CORO1B: variants seen among roughly 807,000 people sequenced by gnomAD.
The protein encoded by CORO1B is coronin 1B, also known as coronin-1B.
A neutral mutation model predicts 51.1 loss-of-function variants in CORO1B; 30 were observed. The ratio of observed to expected loss-of-function variants is 0.59; its 90% CI spans 0.44 to 0.80. CORO1B has a LOEUF of 0.80. Among genes scored for constraint, CORO1B ranks in the 30% least tolerant of loss-of-function variants. The probability of loss-of-function intolerance (pLI) is 0.00; values close to 1 mark genes in which losing one functional copy is unlikely to be tolerated. For synonymous variants in CORO1B, 310 were observed against 289.7 expected (o/e 1.07, Z -0.71); for missense variants, 648 against 700.4 (o/e 0.93, Z 0.84).
Position 67,436,690 on chromosome 11 carries a change from C to G in CORO1B, c.*1686G>C. On this transcript the variant is annotated 3_prime_UTR_variant, in exon 11 of 11. Transcript: ENST00000341356. ...GCATGGCCTGCTCACCGTGCTCAAA[C>G]TTCACCCCAGTGAGGCTGAACCTGA... 1 of 277,774 alleles carries G rather than the reference C, an allele frequency of 3.6e-6. No homozygotes were observed. The highest frequency in any genetic ancestry group is 6.8e-6 in the Non-Finnish European group (1 of 147,760). The allele number at this position is 277,774 out of a possible 1,614,324, so 17.2% of individuals were successfully genotyped here. A position where few individuals can be genotyped will look rare whatever the true frequency, so the allele number is the denominator to read the frequency against.
Position 67,435,713 on chromosome 11 carries a change from T to G in CORO1B, c.*2663A>C. 6.7e-7 allele frequency: 1 copy of G among 1,502,722 alleles called. No individual in the cohort carries two copies. Among genetic ancestry groups the G allele is most frequent in the Non-Finnish European group, 8.8e-7 (1 of 1,130,554 alleles). The allele number at this position is 1,502,722 out of a possible 1,614,324, so 93.1% of individuals were successfully genotyped here. ...GGGGAGTGAGCGGCTGTGACAGGGA[T>G]GGGACACCAAGACCGGCCTCTACAG... On this transcript the variant is annotated 3_prime_UTR_variant, in exon 11 of 11. Coordinates refer to ENST00000341356, the MANE Select transcript of CORO1B (RefSeq NM_020441.3).
In CORO1B at chr11:67,438,781, A is replaced by ACACGTTGCGCCGGCTGATCTTCAGGT; in HGVS notation, c.1208_1233dup (p.Leu412ThrfsTer2). 6.3e-7 allele frequency: 1 copy of ACACGTTGCGCCGGCTGATCTTCAGGT among 1,594,382 alleles called. No homozygotes were observed. The highest frequency in any genetic ancestry group is 8.5e-7 in the Non-Finnish European group (1 of 1,173,038). ...GCCATGGCGGGCCGGCTGTCAGACA[A>ACACGTTGCGCCGGCTGATCTTCAGGT]CACGTTGCGCCGGCTGATCTTCAGG... On this transcript the variant is annotated stop_gained and frameshift_variant, in exon 10 of 11. Transcript: ENST00000341356. LOFTEE classifies it high-confidence loss of function.
rs764414306 is a variant in CORO1B, at chr11:67,442,130, G to A, written c.202-42C>T. The A allele has an allele frequency of 1.8e-5, 28 of 1,595,658 alleles. No homozygotes were observed. In the East Asian group the frequency reaches 2.7e-4, roughly 15 times the overall value. On this transcript the variant is annotated intron_variant, in intron 2 of 10. Coordinates refer to ENST00000341356, the MANE Select transcript of CORO1B (RefSeq NM_020441.3). ...GCAGTCAGTGGGCTCCATCCCTCCC[G>A]AAGCCTTGGTCTTCCCCTCCATGGA...
chr11:67,441,218 G>C lies in CORO1B; in HGVS notation c.663C>G (p.Ala221=). The C allele has an allele frequency of 1.9e-6, 3 of 1,613,118 alleles. No homozygotes were observed. Among genetic ancestry groups the C allele is most frequent in the Non-Finnish European group, 2.5e-6 (3 of 1,179,994 alleles). The change falls in exon 6 of 11, where the codon GCC becomes GCG. Residue 221 remains alanine (A), a synonymous_variant. Transcript: ENST00000341356. ...CCAGGAAGATGGCCCGCATGGGCCG[G>C]GCCCCCTCATGAGCCTTCTCCCGCT... is the stretch of plus-strand genomic sequence containing the variant. ...VAEREKAHEG[A]RPMRAIFLAD...
chr11:67,437,310 C>A lies in CORO1B; in HGVS notation c.*1066G>T. The stretch of plus-strand genomic sequence containing the variant: ...GGTGCTGAGGTGCAGCCAGCCTCCC[C>A]CACCACCCCAGGCTGTCCGCCCAGG... On this transcript the variant is annotated 3_prime_UTR_variant, in exon 11 of 11. Transcript: ENST00000341356. 3.0e-6 allele frequency: 1 copy of A among 337,104 alleles called. No individual in the cohort carries two copies. Among genetic ancestry groups the A allele is most frequent in the Non-Finnish European group, 5.4e-6 (1 of 186,870 alleles). The allele number at this position is 337,104 out of a possible 1,614,324, so 20.9% of individuals were successfully genotyped here.
chr11:67,435,536 A>G lies in CORO1B; in HGVS notation c.*2840T>C. The G allele has an allele frequency of 1.3e-6, 1 of 779,748 alleles. No homozygotes were observed. The highest frequency in any genetic ancestry group is 1.9e-6 in the Non-Finnish European group (1 of 517,108). The allele number at this position is 779,748 out of a possible 1,614,324, so 48.3% of individuals were successfully genotyped here. A position where few individuals can be genotyped will look rare whatever the true frequency, so the allele number is the denominator to read the frequency against. The stretch of plus-strand genomic sequence containing the variant: ...ACAGGCTGAAGGAGTTTTATTTCAA[A>G]TGGTTGCCTGATGCCTGTGGTTGGG... On this transcript the variant is annotated 3_prime_UTR_variant, in exon 11 of 11. Coordinates refer to ENST00000341356, the MANE Select transcript of CORO1B (RefSeq NM_020441.3).
Position 67,442,970 on chromosome 11 carries a change from C to T in CORO1B, c.-2-340G>A, listed in dbSNP as rs115427403. ...GAGCTCTCAGCTCTACTGTAGGTCC[C>T]AGCCAGTCGGGAGCAGCCTCCTTCC... On this transcript the variant is annotated intron_variant, in intron 1 of 10. Coordinates refer to ENST00000341356, the MANE Select transcript of CORO1B (RefSeq NM_020441.3). Among the ~76,000 whole-genome samples, 752 of 152,280 alleles carry T rather than the reference C, an allele frequency of 4.9e-3. 9 individuals carry two copies. The highest frequency in any genetic ancestry group is 0.017 in the African/African-American group (708 of 41,564).
At chr11:67,443,604 G>A, upstream of CORO1B, 1 of 699,156 alleles carries the variant, frequency 1.4e-6, no homozygotes, top group Non-Finnish European at 1.8e-6. Context: ...GGCCGGGAGC[G>A]GGGCCGCCGG....
intron 9 of CORO1B, among the ~76,000 whole-genome samples, chr11:67,439,457 A>G (rs976407007): frequency 2.6e-5 from 4 of 152,116 alleles, no homozygotes; most frequent in Non-Finnish European, 1.5e-5. Flanking sequence ...GCCTGCCCCC[A>G]GTGGATGGCG....
At chr11:67,442,800 G>A (rs1008429120) in intron 1 of CORO1B, among the ~76,000 whole-genome samples, 170 bp from the exon 2 acceptor site, 2 of 152,162 alleles carry the variant, frequency 1.3e-5, no homozygotes, top group Admixed American at 1.3e-4. Flanking sequence ...GAGCCTGGCC[G>A]CCTGTCACCC....
rs2286625 is a variant in CORO1B, at chr11:67,441,699, G to A, written c.454+34C>T. ...CTGGGATGTATGGAGGGGTCCGTGG[G>A]GGGGGGGAGCACAAAACGGGGGGCG... On this transcript the variant is annotated intron_variant, in intron 4 of 10. Coordinates refer to ENST00000341356, the MANE Select transcript of CORO1B (RefSeq NM_020441.3). The A allele has an allele frequency of 9.7e-4, 1,457 of 1,498,276 alleles. 10 individuals carry two copies. In the East Asian group the frequency reaches 0.02, roughly 20 times the overall value. The allele number at this position is 1,498,276 out of a possible 1,614,324, so 92.8% of individuals were successfully genotyped here. A position where few individuals can be genotyped will look rare whatever the true frequency, so the allele number is the denominator to read the frequency against.
chr11:67,437,754 T>C lies in CORO1B; in HGVS notation c.*622A>G. 1.0e-6 allele frequency: 1 copy of C among 976,844 alleles called. No individual in the cohort carries two copies. The allele number at this position is 976,844 out of a possible 1,614,324, so 60.5% of individuals were successfully genotyped here. On this transcript the variant is annotated 3_prime_UTR_variant, in exon 11 of 11. Transcript: ENST00000341356. ...CCTGCCCACATACCCCACCTGCCCC[T>C]CCCTGCTGCAGGACCCCTGGTCCAC...
rs1864383677 is a variant in CORO1B at position 67,441,072 on chromosome 11, G to A, written c.756+53C>T. 2.5e-6 allele frequency: 4 copies of A among 1,612,092 alleles called. No individual in the cohort carries two copies. The South Asian group carries it at 3.3e-5, about 13-fold the overall frequency. ...TCCCCAGGGTGAACCCTGCCTGCCTGGCCCAGGGTGGGGCCCAAGTCTCAA... is the reference window on the plus strand; with the variant it reads ...TCCCCAGGGTGAACCCTGCCTGCCTAGCCCAGGGTGGGGCCCAAGTCTCAA... On this transcript the variant is annotated intron_variant, in intron 6 of 10. Coordinates refer to ENST00000341356, the MANE Select transcript of CORO1B (RefSeq NM_020441.3).
In CORO1B at chr11:67,437,658, G is replaced by A; in HGVS notation, c.*718C>T. 4.4e-6 allele frequency: 6 copies of A among 1,357,664 alleles called. No individual in the cohort carries two copies. Among genetic ancestry groups the A allele is most frequent in the Non-Finnish European group, 5.7e-6 (6 of 1,046,176 alleles). 84.1% of individuals were successfully genotyped at this position (1,357,664 alleles called of 1,614,324 possible). A position where few individuals can be genotyped will look rare whatever the true frequency, so the allele number is the denominator to read the frequency against. On this transcript the variant is annotated 3_prime_UTR_variant, in exon 11 of 11. Coordinates refer to ENST00000341356, the MANE Select transcript of CORO1B (RefSeq NM_020441.3). Reference sequence around the variant, plus strand: ...CCTCCGTGCCGGGCACCCACCTCCAGCTCTGGCTGTGTCGAGCGAGAAGTG... The same window carrying A: ...CCTCCGTGCCGGGCACCCACCTCCAACTCTGGCTGTGTCGAGCGAGAAGTG...
Position 67,439,818 on chromosome 11 carries a change from A to G in CORO1B, c.1033T>C (p.Cys345Arg). ...GGCACAGTCATGACGATGGGCTCACACTTGCGCTCATGCAGTTTGTAGAAC... is the reference window on the plus strand; with the variant it reads ...GGCACAGTCATGACGATGGGCTCACGCTTGCGCTCATGCAGTTTGTAGAAC... The part of the protein sequence containing the change: ...ARFYKLHERK[C>R]EPIVMTVPRK... Residue 345 changes from cysteine to arginine, a missense_variant, in exon 9 of 11, where the codon TGT becomes CGT. Coordinates refer to ENST00000341356, the MANE Select transcript of CORO1B (RefSeq NM_020441.3). 2.5e-6 allele frequency: 4 copies of G among 1,588,528 alleles called. No individual in the cohort carries two copies. Among genetic ancestry groups the G allele is most frequent in the Non-Finnish European group, 3.4e-6 (4 of 1,167,970 alleles).
Position 67,441,842 on chromosome 11 carries a change from G to C in CORO1B, c.345C>G (p.Asn115Lys), listed in dbSNP as rs541464028. 78 of 1,613,010 alleles carry C rather than the reference G, an allele frequency of 4.8e-5. No individual in the cohort carries two copies. Among genetic ancestry groups the C allele is most frequent in the Non-Finnish European group, 6.4e-5 (76 of 1,179,968 alleles). ...CTVMVWQIPE[N>K]GLTSPLTEPV... is the part of the protein sequence containing the mutation. Reference sequence around the variant, plus strand: ...GCTCTGTCAGCGGGGAGGTCAGCCCGTTCTCTGGGATCTGCCACACCTGTG... The same window carrying C: ...GCTCTGTCAGCGGGGAGGTCAGCCCCTTCTCTGGGATCTGCCACACCTGTG... The change falls in exon 4 of 11, where the codon AAC (asparagine) becomes AAG (lysine). Residue 115 changes from asparagine to lysine, a missense_variant. By Grantham distance (94) the Asn-to-Lys change is moderately conservative. Coordinates refer to ENST00000341356, the MANE Select transcript of CORO1B (RefSeq NM_020441.3).
At chr11:67,440,684 G>T in intron 6 of CORO1B, 1 of 674,918 alleles carries the variant, frequency 1.5e-6, no homozygotes, top group South Asian at 1.5e-5. Context: ...AGGCCACTAA[G>T]CAAGTGCTGA....
At chr11:67,440,488 A>C (rs1227476491) in intron 6 of CORO1B, 49 bp from the exon 7 acceptor site, 13 of 1,553,660 alleles carry the variant, frequency 8.4e-6, no homozygotes, top group Non-Finnish European at 1.1e-5. Flanking sequence ...TCACCCCCTA[A>C]TCCCAAACCA....
intron 9 of CORO1B, among the ~76,000 whole-genome samples, chr11:67,439,412 C>T (rs1214726257): frequency 6.6e-6 from 1 of 152,240 alleles, no homozygotes; most frequent in Non-Finnish European, 1.5e-5. Context: ...ACTCCTTGTT[C>T]CTCTCTCCAT....
Sources: gnomAD v4.1 joint callset for allele counts (sites outside exome capture counted in the v4.1 genomes callset) on GRCh38, gnomAD v4.1.1 for gene constraint, MANE v1.5 for transcripts, NCBI Gene and HGNC (gene_info 2026-07-23, HGNC 2026-07-21) for gene names.